Variants in NOS3 observed in about 807,000 individuals in gnomAD.
NOS3 encodes nitric oxide synthase 3.
Under a neutral mutation model 144.9 loss-of-function variants are expected in NOS3, and 98 were observed. That is an observed-to-expected ratio of 0.68 (90% CI 0.57 to 0.80). The LOEUF is 0.80. NOS3 is among the 30% of genes least tolerant of loss of function. The probability of loss-of-function intolerance (pLI) is 0.00; values close to 1 mark genes in which losing one functional copy is unlikely to be tolerated. For missense variants in NOS3, 1,465 were observed against 1,656.4 expected (o/e 0.88, Z 2.01); for synonymous variants, 714 against 702.4 (o/e 1.02, Z -0.26).
chr7:151,001,906 C>A lies in NOS3; in HGVS notation c.1588C>A (p.Arg530=). ...ATILYGSETG[R]AQSYAQQLGR... ...AATCCTGTATGGCTCCGAGACCGGC[C>A]GGGCCCAGAGCTACGCACAGCAGCT... Residue 530 remains arginine, a synonymous_variant, in exon 13 of 27, where the codon CGG becomes AGG. Transcript: ENST00000297494. 6.2e-7 allele frequency: 1 copy of A among 1,613,622 alleles called. No homozygotes were observed. Among genetic ancestry groups the A allele is most frequent in the Non-Finnish European group, 8.5e-7 (1 of 1,180,014 alleles).
chr7:151,003,609 C>G lies in NOS3; in HGVS notation c.1752+1305C>G. The stretch of plus-strand genomic sequence containing the variant: ...TTCACAAGGCATAGCACATTTTCAC[C>G]ACCCTGGAAAGTTCCCTCATCAGTT... On this transcript the variant is annotated intron_variant, in intron 14 of 26. Coordinates refer to ENST00000297494, the MANE Select transcript of NOS3 (RefSeq NM_000603.5). This position sits in a 1 kb window ranked among gnomAD's most constrained non-coding sequence, Gnocchi z 4.1. The G allele has an allele frequency of 8.4e-7, 1 of 1,194,508 alleles. No individual in the cohort carries two copies. The highest frequency in any genetic ancestry group is 1.6e-5 in the African/African-American group (1 of 63,468). 74.0% of individuals were successfully genotyped at this position (1,194,508 alleles called of 1,614,324 possible).
chr7:150,996,342 C>A, intron 3 of NOS3, 62 bp from the exon 4 acceptor site: 1 of 824,400 alleles, frequency 1.2e-6, no homozygotes, highest in Non-Finnish European at 1.7e-6. Flanking sequence ...CCTCCCTGCC[C>A]CCAACTCCCA....
At chr7:151,006,263 T>G (rs1410186608) in intron 14 of NOS3, among the ~76,000 whole-genome samples, 164 bp from the exon 15 acceptor site, 1 of 152,196 alleles carries the variant, frequency 6.6e-6, no homozygotes, top group African/African-American at 2.4e-5. Flanking sequence ...CACATTTCTG[T>G]AATGTCATTT....
intron 15 of NOS3, 40 bp downstream of exon 15, chr7:151,006,534 T>G: frequency 6.5e-7 from 1 of 1,534,618 alleles, no homozygotes; most frequent in Non-Finnish European, 9.0e-7. Flanking sequence ...GGGGAGCTGA[T>G]GCATTTGGAG....
chr7:150,996,657 G>C, intron 4 of NOS3, 105 bp downstream of exon 4: 1 of 1,482,012 alleles, frequency 6.7e-7, no homozygotes. Context: ...CTAACACCAC[G>C]TGGGCCCCTC....
Position 150,993,738 on chromosome 7 carries a change from C to T in NOS3, c.-51-15C>T. 2.6e-6 allele frequency: 4 copies of T among 1,523,062 alleles called. No homozygotes were observed. The highest frequency in any genetic ancestry group is 1.3e-5 in the South Asian group (1 of 79,580). 94.3% of individuals were successfully genotyped at this position (1,523,062 alleles called of 1,614,324 possible). ...CCCACTGCCCCCTCCTCTCGGTCCC[C>T]TCCCTCTTCCTAAGGAAAAGGCCAG... On this transcript the variant is annotated splice_polypyrimidine_tract_variant and intron_variant, in intron 1 of 26. Transcript: ENST00000297494. This position sits in a 1 kb window ranked among gnomAD's most constrained non-coding sequence, Gnocchi z 4.0.
At chr7:151,004,918 C>T (rs1184376816) in intron 14 of NOS3, among the ~76,000 whole-genome samples, 2 of 152,086 alleles carry the variant, frequency 1.3e-5, no homozygotes, top group African/African-American at 2.4e-5. Flanking sequence ...AGTGCAATGG[C>T]GTGATCTCGG....
chr7:150,998,355 A>G lies in NOS3; in HGVS notation c.583-2A>G. The G allele has an allele frequency of 6.2e-7, 1 of 1,610,840 alleles. No individual in the cohort carries two copies. The highest frequency in any genetic ancestry group is 8.5e-7 in the Non-Finnish European group (1 of 1,179,380). ...CCTCTCCCGCTGCCTCGGCTGGCTC[A>G]GGTGTTCGATGCCCGGGACTGCAGG... is the stretch of plus-strand genomic sequence containing the variant. On this transcript the variant is annotated splice_acceptor_variant, in intron 5 of 26. Transcript: ENST00000297494. LOFTEE classifies it high-confidence loss of function. This position sits in a 1 kb window ranked among gnomAD's most constrained non-coding sequence, Gnocchi z 5.0.
intron 17 of NOS3, 167 bp from the exon 18 acceptor site, chr7:151,008,763 C>T: frequency 1.4e-6 from 1 of 723,958 alleles, no homozygotes; most frequent in African/African-American, 1.8e-5. Context: ...GGCCCAGCGG[C>T]CAATCCATGA....
At chr7:151,011,071 A>G in intron 23 of NOS3, 85 bp downstream of exon 23, 3 of 895,852 alleles carry the variant, frequency 3.3e-6, no homozygotes, top group Non-Finnish European at 5.4e-6. Context: ...GAGGGGTGTC[A>G]CTGGAAACAG....
At position 151,014,388 on chromosome 7, in the gene NOS3, G is replaced by A; in HGVS notation, c.*219G>A. ...GGCCTGGGTCCGCCTTAATCTGGAA[G>A]GCCCCTCCCAGCAGCGGTACCCCAG... On this transcript the variant is annotated 3_prime_UTR_variant, in exon 27 of 27. Coordinates refer to ENST00000297494, the MANE Select transcript of NOS3 (RefSeq NM_000603.5). The A allele has an allele frequency of 1.9e-6, 1 of 527,310 alleles. No homozygotes were observed. The highest frequency in any genetic ancestry group is 3.1e-5 in the South Asian group (1 of 32,564). The allele number at this position is 527,310 out of a possible 1,614,324, so 32.7% of individuals were successfully genotyped here.
Position 151,010,603 on chromosome 7 carries a change from C to G in NOS3, c.2692C>G (p.Arg898Gly). The change falls in exon 22 of 27, where the codon CGA becomes GGA. Residue 898 changes from arginine (R) to glycine (G), a missense_variant. This residue lies in a region of NOS3 where 745 missense variants were observed against 853.9 expected (regional missense o/e 0.87). Coordinates refer to ENST00000297494, the MANE Select transcript of NOS3 (RefSeq NM_000603.5). The stretch of plus-strand genomic sequence containing the variant: ...CTGCATCCTGCCCCGCCAGGATCCC[C>G]GACGCTACGAGGAGTGGAAGTGGTT... ...QELEALSQDP[R>G]RYEEWKWFRC... is the part of the protein sequence containing the mutation. 1 of 1,588,168 alleles carries G rather than the reference C, an allele frequency of 6.3e-7. No homozygotes were observed. Among genetic ancestry groups the G allele is most frequent in the Non-Finnish European group, 8.6e-7 (1 of 1,166,558 alleles).
intron 9 of NOS3, among the ~76,000 whole-genome samples, chr7:150,999,717 G>A (rs1027236273): frequency 6.7e-6 from 1 of 148,904 alleles, no homozygotes; most frequent in African/African-American, 2.5e-5. Context: ...GGTGTGTATA[G>A]GCAGTGACTG....
chr7:151,014,129 G>C lies in NOS3; in HGVS notation c.3572G>C (p.Trp1191Ser). 1 of 1,612,192 alleles carries C rather than the reference G, an allele frequency of 6.2e-7. No homozygotes were observed. The highest frequency in any genetic ancestry group is 8.5e-7 in the Non-Finnish European group (1 of 1,178,912). ...CGTCAGTTGCGGGGCGCAGTGCCCT[G>C]GGCGTTCGACCCTCCCGGCTCAGAC... Reference protein sequence around the residue: ...QERQLRGAVPWAFDPPGSDTN... With the variant: ...QERQLRGAVPSAFDPPGSDTN... The change falls in exon 27 of 27, where the codon TGG (tryptophan) becomes TCG (serine). Residue 1191 changes from tryptophan to serine, a missense_variant. Physicochemically the swap from Trp to Ser is radical, Grantham distance 177. Coordinates refer to ENST00000297494, the MANE Select transcript of NOS3 (RefSeq NM_000603.5).
chr7:151,014,267 G>A lies in NOS3; in HGVS notation c.*98G>A. The A allele has an allele frequency of 8.1e-7, 1 of 1,231,430 alleles. No individual in the cohort carries two copies. The allele number at this position is 1,231,430 out of a possible 1,614,324, so 76.3% of individuals were successfully genotyped here. On this transcript the variant is annotated 3_prime_UTR_variant, in exon 27 of 27. Coordinates refer to ENST00000297494, the MANE Select transcript of NOS3 (RefSeq NM_000603.5). ...CCCGCTCCTCCCCTCTTGAGGTGGT[G>A]CCTTCTCACATCTGTCCAGAGGCTG...
Position 151,013,597 on chromosome 7 carries a change from C to A in NOS3, c.3256-127C>A, listed in dbSNP as rs3918210. The A allele has an allele frequency of 9.4e-4, 990 of 1,055,384 alleles. 19 individuals carry two copies. In the South Asian group the frequency reaches 0.015, roughly 16 times the overall value. 65.4% of individuals were successfully genotyped at this position (1,055,384 alleles called of 1,614,324 possible). Reference sequence around the variant, plus strand: ...TTTGGCTCTGCCCCTGTTGACACCGCCCCAGGGCACGCAGGCCCCACCAGG... The same window carrying A: ...TTTGGCTCTGCCCCTGTTGACACCGACCCAGGGCACGCAGGCCCCACCAGG... On this transcript the variant is annotated intron_variant, in intron 25 of 26. Coordinates refer to ENST00000297494, the MANE Select transcript of NOS3 (RefSeq NM_000603.5).
intron 14 of NOS3, among the ~76,000 whole-genome samples, chr7:151,004,838 A>ATGTT (rs113307925): frequency 0.017 from 2,629 of 151,162 alleles, 73 homozygotes; most frequent in African/African-American, 0.057. Context: ...GATGCGGGTA[A>ATGTT]TGTTTGTTTG....
Position 150,993,998 on chromosome 7 carries a change from G to T in NOS3, c.158+37G>T. 2 of 1,536,834 alleles carry T rather than the reference G, an allele frequency of 1.3e-6. No individual in the cohort carries two copies. Among genetic ancestry groups the T allele is most frequent in the Non-Finnish European group, 1.7e-6 (2 of 1,146,656 alleles). ...GCAGCTAGGAGCAGGTGGGCAACAA[G>T]GGTGGTGTCAAGGCCTGAAGCCTGG... is the stretch of plus-strand genomic sequence containing the variant. On this transcript the variant is annotated intron_variant, in intron 2 of 26. Coordinates refer to ENST00000297494, the MANE Select transcript of NOS3 (RefSeq NM_000603.5). This position sits in a 1 kb window ranked among gnomAD's most constrained non-coding sequence, Gnocchi z 4.0.
Position 151,010,780 on chromosome 7 carries a change from G to A in NOS3, c.2869G>A (p.Val957Ile), listed in dbSNP as rs747812771. Reference sequence around the variant, plus strand: ...CCACCCAGGAGAGATCCACCTCACTGTAGCTGTGCTGGCATACAGGACTCA... The same window carrying A: ...CCACCCAGGAGAGATCCACCTCACTATAGCTGTGCTGGCATACAGGACTCA... ...STHPGEIHLT[V>I]AVLAYRTQDG... The change falls in exon 22 of 27, where the codon GTA (valine) becomes ATA (isoleucine). Residue 957 changes from valine to isoleucine, a missense_variant. Around this residue, in one of 5 missense-constraint regions of NOS3, gnomAD observed 106 missense variants for 167.7 expected, o/e 0.63. Coordinates refer to ENST00000297494, the MANE Select transcript of NOS3 (RefSeq NM_000603.5). The A allele has an allele frequency of 9.3e-6, 15 of 1,612,888 alleles. No homozygotes were observed. The highest frequency in any genetic ancestry group is 2.2e-5 in the South Asian group (2 of 90,882).
Sources: gnomAD v4.1 joint callset for allele counts (sites outside exome capture counted in the v4.1 genomes callset) on GRCh38, gnomAD v4.1.1 for gene constraint, gnomAD v4.1.1 regional missense constraint, Gnocchi (gnomAD v3.1) non-coding constraint, MANE v1.5 for transcripts, NCBI Gene and HGNC (gene_info 2026-07-23, HGNC 2026-07-21) for gene names.